SAMTOR: variants seen among roughly 807,000 people sequenced by gnomAD.
The protein encoded by SAMTOR is S-adenosylmethionine sensor upstream of mTORC1, also known as UPF0532 protein C7orf60.
the SAMTOR span, chr7:112,821,914 C>T: frequency 1.2e-6 from 2 of 1,612,888 alleles, no homozygotes; most frequent in Non-Finnish European, 1.7e-6. Context: ...GAATATTCCT[C>T]ATCTTCTATA....
At chr7:112,912,930 T>C in the SAMTOR span, among the ~76,000 whole-genome samples, 4,088 of 152,272 alleles carry the variant, frequency 0.027, 140 homozygotes, top group South Asian at 0.075. Context: ...ATTTAAGAGA[T>C]ACAGTTTGAG....
At chr7:112,863,832 C>A in the SAMTOR span, among the ~76,000 whole-genome samples, 1 of 152,128 alleles carries the variant, frequency 6.6e-6, no homozygotes, top group Non-Finnish European at 1.5e-5. Context: ...ACTAGTTCAA[C>A]CATTGTGGAA....
At chr7:112,914,216 T>C in the SAMTOR span, among the ~76,000 whole-genome samples, 3 of 151,606 alleles carry the variant, frequency 2.0e-5, no homozygotes, top group Non-Finnish European at 4.4e-5. Context: ...ATAAACTTAC[T>C]GTCCATGAGA....
At chr7:112,871,392 G>A in the SAMTOR span, among the ~76,000 whole-genome samples, 1 of 152,112 alleles carries the variant, frequency 6.6e-6, no homozygotes, top group Non-Finnish European at 1.5e-5. Flanking sequence ...CAATTACATG[G>A]AAACTAAATT....
At chr7:112,906,705 G>A in the SAMTOR span, among the ~76,000 whole-genome samples, 1 of 151,744 alleles carries the variant, frequency 6.6e-6, no homozygotes, top group African/African-American at 2.4e-5. Context: ...CCAAGTAGCT[G>A]GGACTACAGG....
At chr7:112,877,069 A>C in the SAMTOR span, among the ~76,000 whole-genome samples, 1 of 152,186 alleles carries the variant, frequency 6.6e-6, no homozygotes, top group East Asian at 1.9e-4. Context: ...GATCACTGTA[A>C]ATGTAAGAGG....
At chr7:112,921,227 T>C in the SAMTOR span, among the ~76,000 whole-genome samples, 6,418 of 152,252 alleles carry the variant, frequency 0.042, 357 homozygotes, top group African/African-American at 0.12. Flanking sequence ...CAAAACAGCA[T>C]GGTAATGGTA....
At chr7:112,824,325 T>A in the SAMTOR span, among the ~76,000 whole-genome samples, 1 of 152,116 alleles carries the variant, frequency 6.6e-6, no homozygotes, top group African/African-American at 2.4e-5. Flanking sequence ...CTTTTTCATT[T>A]AGGTCTATGA....
chr7:112,885,659 G>A, the SAMTOR span, among the ~76,000 whole-genome samples: 4 of 152,232 alleles, frequency 2.6e-5, no homozygotes, highest in East Asian at 5.8e-4. Context: ...AAAACCATTT[G>A]ACAAGTCTTT....
chr7:112,939,390 C>A, the SAMTOR span: 1 of 722,384 alleles, frequency 1.4e-6, no homozygotes, highest in Non-Finnish European at 2.2e-6. Flanking sequence ...TCCCGAAGGG[C>A]CCTCAAAGAA....
chr7:112,903,141 C>A, the SAMTOR span, among the ~76,000 whole-genome samples: 9 of 152,008 alleles, frequency 5.9e-5, no homozygotes, highest in African/African-American at 1.9e-4. Context: ...TAGTAAAACC[C>A]CGCCTCTTCT....
At chr7:112,888,212 G>T in the SAMTOR span, among the ~76,000 whole-genome samples, 1 of 152,072 alleles carries the variant, frequency 6.6e-6, no homozygotes, top group Non-Finnish European at 1.5e-5. Flanking sequence ...TGTGATGTTA[G>T]ATCTACAAAT....
chr7:112,844,644 T>A, the SAMTOR span, among the ~76,000 whole-genome samples: 1 of 152,126 alleles, frequency 6.6e-6, no homozygotes, highest in Admixed American at 6.5e-5. Context: ...ATAGGAAGAA[T>A]CAATATTGTT....
At chr7:112,838,748 A>T in the SAMTOR span, among the ~76,000 whole-genome samples, 1 of 151,628 alleles carries the variant, frequency 6.6e-6, no homozygotes, top group Admixed American at 6.6e-5. Context: ...TCTAAGGACA[A>T]AAAAAAAGAA....
the SAMTOR span, among the ~76,000 whole-genome samples, chr7:112,850,004 C>T: frequency 3.9e-5 from 6 of 152,010 alleles, no homozygotes; most frequent in African/African-American, 1.2e-4. Context: ...GTCAGGAGTT[C>T]GAGACCAGCC....
chr7:112,847,695 T>C, the SAMTOR span, among the ~76,000 whole-genome samples: 1 of 152,118 alleles, frequency 6.6e-6, no homozygotes, highest in African/African-American at 2.4e-5. Context: ...GGAGAATTGC[T>C]TGAACGCGGG....
At chr7:112,909,212 T>C in the SAMTOR span, among the ~76,000 whole-genome samples, 1 of 152,222 alleles carries the variant, frequency 6.6e-6, no homozygotes, top group East Asian at 1.9e-4. Flanking sequence ...ATGCTCCTGC[T>C]TCTCAATTCC....
the SAMTOR span, among the ~76,000 whole-genome samples, chr7:112,831,362 G>C: frequency 1.3e-5 from 2 of 152,130 alleles, no homozygotes; most frequent in South Asian, 4.1e-4. Flanking sequence ...TAAGGTAAAA[G>C]AAAGTTCAAG....
At chr7:112,902,462 C>CAAAAAAAAAAAAAA in the SAMTOR span, among the ~76,000 whole-genome samples, 8 of 83,660 alleles carry the variant, frequency 9.6e-5, no homozygotes, top group Admixed American at 5.3e-4. Context: ...AAAAAAAAAC[C>CAAAAAAAAAAAAAA]AAAAAAGTTG....
Sources: allele counts gnomAD v4.1 joint callset (sites outside exome capture counted in the v4.1 genomes callset), GRCh38; gene constraint gnomAD v4.1.1; transcripts MANE v1.5; gene names NCBI Gene and HGNC (gene_info 2026-07-23, HGNC 2026-07-21).